The following DNAAF4 variants were observed in gnomAD, a reference collection of about 807,000 sequenced individuals.
The protein encoded by DNAAF4 is dynein axonemal assembly factor 4, also known as dynein assembly factor 4, axonemal.
Under a neutral mutation model 51.8 loss-of-function variants are expected in DNAAF4, and 43 were observed. The observed-to-expected ratio is 0.83, with a 90% CI of 0.65 to 1.07. DNAAF4 has a LOEUF of 1.07. DNAAF4 is among the 50% of genes least tolerant of loss of function. DNAAF4 has a pLI of 0.00. For synonymous variants in DNAAF4, 194 were observed against 165.6 expected (o/e 1.17, Z -1.32); for missense variants, 581 against 493.0 (o/e 1.18, Z -1.69).
chr15:55,487,604 C>T (rs374299798), intron 4 of DNAAF4, among the ~76,000 whole-genome samples: 3 of 151,948 alleles, frequency 2.0e-5, no homozygotes, highest in Non-Finnish European at 4.4e-5. Context: ...TAACAGTCAC[C>T]GTGAGGGTCT....
At chr15:55,452,119 G>A (rs2057942363) in intron 5 of DNAAF4, among the ~76,000 whole-genome samples, 2 of 151,216 alleles carry the variant, frequency 1.3e-5, no homozygotes, top group African/African-American at 2.4e-5. Context: ...GTGGTGGCAG[G>A]CACCTGTAAT....
At chr15:55,441,450 C>A (rs916054801) in intron 6 of DNAAF4, among the ~76,000 whole-genome samples, 8 of 152,030 alleles carry the variant, frequency 5.3e-5, no homozygotes, top group African/African-American at 1.7e-4. Context: ...TTCTAGGGTA[C>A]ATGTGCAAAA....
chr15:55,478,659 GA>G (rs1428256673), intron 4 of DNAAF4, among the ~76,000 whole-genome samples: 2 of 152,146 alleles, frequency 1.3e-5, no homozygotes, highest in Admixed American at 1.3e-4. Context: ...AACTATAAGA[GA>G]AGAACTCCCT....
At chr15:55,434,807 T>A in intron 8 of DNAAF4, 98 bp downstream of exon 8, 4 of 1,025,144 alleles carry the variant, frequency 3.9e-6, no homozygotes, top group South Asian at 6.2e-5. Flanking sequence ...AATCTTTGCA[T>A]CTCAATTATT....
chr15:55,461,709 T>C (rs912530469), intron 5 of DNAAF4, among the ~76,000 whole-genome samples: 1 of 151,888 alleles, frequency 6.6e-6, no homozygotes, highest in East Asian at 1.9e-4. Flanking sequence ...ACAGACAATC[T>C]AGGCTCACAC....
At chr15:55,470,006 C>T (rs111403339) in intron 4 of DNAAF4, among the ~76,000 whole-genome samples, 1 of 151,902 alleles carries the variant, frequency 6.6e-6, no homozygotes, top group Non-Finnish European at 1.5e-5. Flanking sequence ...TGACCATTTG[C>T]TTCAATGGCT....
intron 4 of DNAAF4, 133 bp from the exon 5 acceptor site, chr15:55,467,294 G>A (rs1480306613): frequency 2.3e-6 from 2 of 857,340 alleles, no homozygotes; most frequent in African/African-American, 3.5e-5. Flanking sequence ...ATAGGTAGTA[G>A]TGAATTATGA....
chr15:55,439,427 T>G (rs2057671157), intron 7 of DNAAF4, 45 bp downstream of exon 7: 2 of 1,509,348 alleles, frequency 1.3e-6, no homozygotes, highest in Admixed American at 1.7e-5. Context: ...ACTGCTAATG[T>G]CTTCATACAT....
intron 5 of DNAAF4, among the ~76,000 whole-genome samples, chr15:55,460,683 G>A (rs978464732): frequency 2.7e-5 from 4 of 150,180 alleles, no homozygotes; most frequent in African/African-American, 9.8e-5. Flanking sequence ...CCCAACAACT[G>A]CAGAATATGC....
chr15:55,429,184 T>C (rs1001475499), downstream of DNAAF4, among the ~76,000 whole-genome samples: 14 of 151,748 alleles, frequency 9.2e-5, no homozygotes, highest in Middle Eastern at 3.2e-3. Context: ...ATTGCACCAC[T>C]GCACTAAAGC....
At chr15:55,469,710 T>A (rs2058225251) in intron 4 of DNAAF4, among the ~76,000 whole-genome samples, 2 of 151,992 alleles carry the variant, frequency 1.3e-5, no homozygotes, top group South Asian at 4.2e-4. Flanking sequence ...CAGGATGGTC[T>A]CGATCTCCTG....
chr15:55,488,718 G>A (rs143966193), intron 4 of DNAAF4, among the ~76,000 whole-genome samples: 145 of 152,144 alleles, frequency 9.5e-4, no homozygotes, highest in Middle Eastern at 3.4e-3. Flanking sequence ...AATATAACCC[G>A]TATCTTCATA....
At position 55,467,710 on chromosome 15, in the gene DNAAF4, C is replaced by T. The variant is rs929113674; in HGVS notation, c.406-549G>A. ...AAGGAAATAGGAAGGATGAACAAGA[C>T]GGTCTGTCTCTGCTGGGTGGAAATA... On this transcript the variant is annotated intron_variant, in intron 4 of 9. Transcript: ENST00000321149. Among the ~76,000 whole-genome samples, 6 of 152,218 alleles carry T rather than the reference C, an allele frequency of 3.9e-5. No individual in the cohort carries two copies. The East Asian group carries it at 7.7e-4, about 20-fold the overall frequency.
chr15:55,418,877 GA>G (rs977522210), intron 7 of DNAAF4: 52 of 167,452 alleles, frequency 3.1e-4, no homozygotes, highest in African/African-American at 6.9e-4. Flanking sequence ...GAGCTGTAAG[GA>G]AAAAAAAATT....
In DNAAF4 at chr15:55,487,060, T is replaced by C. The variant is rs1207120830; in HGVS notation, c.405+4063A>G. On this transcript the variant is annotated intron_variant, in intron 4 of 9. Transcript: ENST00000321149. ...TGGAAAATCCCTTAAGAGAGTTCTC[T>C]ATAACCTTTGAGAAATTTTTCAAAA... Among the ~76,000 whole-genome samples the C allele has an allele frequency of 2.6e-5, 4 of 152,200 alleles. No individual in the cohort carries two copies. The South Asian group carries it at 8.3e-4, about 31-fold the overall frequency.
intron 9 of DNAAF4, among the ~76,000 whole-genome samples, chr15:55,431,680 G>A (rs1377406670): frequency 6.6e-6 from 1 of 151,844 alleles, no homozygotes; most frequent in Admixed American, 6.6e-5. Context: ...GGGTTTCACC[G>A]TGTTAGCCCG....
intron 1 of DNAAF4, among the ~76,000 whole-genome samples, chr15:55,503,817 C>T (rs1216790941): frequency 6.6e-6 from 1 of 152,168 alleles, no homozygotes; most frequent in African/African-American, 2.4e-5. Context: ...CAGCCAATAT[C>T]AAACTGAATG....
chr15:55,436,798 C>T (rs991567441), intron 7 of DNAAF4, among the ~76,000 whole-genome samples: 1 of 152,092 alleles, frequency 6.6e-6, no homozygotes, highest in Non-Finnish European at 1.5e-5. Flanking sequence ...GGATTACAGG[C>T]GTGAGCCACT....
rs2057736579 is a variant in DNAAF4, at chr15:55,442,873, T to A, written c.784-3292A>T. On this transcript the variant is annotated intron_variant, in intron 6 of 9. Transcript: ENST00000321149. ...CATTGCACACATACCAACAGTAGCATCAATCATGGTTGCAATGGCACCTCC... is the reference window on the plus strand; with the variant it reads ...CATTGCACACATACCAACAGTAGCAACAATCATGGTTGCAATGGCACCTCC... The A allele has an allele frequency of 1.9e-6, 3 of 1,612,484 alleles. No homozygotes were observed. In the East Asian group the frequency reaches 6.7e-5, roughly 36 times the overall value.
Sources: allele counts gnomAD v4.1 joint callset (sites outside exome capture counted in the v4.1 genomes callset), GRCh38; gene constraint gnomAD v4.1.1; transcripts MANE v1.5; gene names NCBI Gene and HGNC (gene_info 2026-07-23, HGNC 2026-07-21).